Variants in HFM1 observed in about 807,000 individuals in gnomAD.
The protein encoded by HFM1 is probable ATP-dependent DNA helicase HFM1.
HFM1 carries 169 observed loss-of-function variants against 192.1 expected under a neutral mutation model. The ratio of observed to expected loss-of-function variants is 0.88; its 90% CI spans 0.78 to 1.00. The LOEUF (loss-of-function observed/expected upper bound fraction) is 1.00, where lower values mean the gene tolerates loss of function less well. Ranked by LOEUF, HFM1 falls within the 50% of genes least tolerant of loss-of-function variation. The pLI, the probability that HFM1 is intolerant of heterozygous loss-of-function variation, is 0.00. For synonymous variants in HFM1, 525 were observed against 537.8 expected (o/e 0.98, Z 0.33); for missense variants, 1,661 against 1,668.0 (o/e 1.00, Z 0.07).
chr1:91,367,471 G>A (rs534052642), intron 13 of HFM1, among the ~76,000 whole-genome samples: 6 of 152,280 alleles, frequency 3.9e-5, no homozygotes, highest in Admixed American at 1.3e-4. Context: ...TGCAGCCACC[G>A]CTGCTGATAC....
intron 13 of HFM1, among the ~76,000 whole-genome samples, chr1:91,372,180 C>T (rs896496752): frequency 3.3e-5 from 5 of 152,170 alleles, no homozygotes; most frequent in Non-Finnish European, 1.5e-5. Context: ...GTCATTGTGG[C>T]GATTCCTCGG....
chr1:91,333,031 G>A (rs914528627), intron 20 of HFM1, among the ~76,000 whole-genome samples: 7 of 152,176 alleles, frequency 4.6e-5, no homozygotes, highest in African/African-American at 1.7e-4. Flanking sequence ...CCACTATGGA[G>A]AATAGTTTGG....
At chr1:91,300,779 G>A (rs924029936) in intron 30 of HFM1, among the ~76,000 whole-genome samples, 4 of 152,192 alleles carry the variant, frequency 2.6e-5, no homozygotes, top group South Asian at 2.1e-4. Context: ...TTGATGGGAC[G>A]TATCTCAAAG....
intron 8 of HFM1, among the ~76,000 whole-genome samples, chr1:91,379,646 T>C (rs1661317806): frequency 7.0e-6 from 1 of 143,688 alleles, no homozygotes; most frequent in South Asian, 2.2e-4. Flanking sequence ...AAAATAGAAA[T>C]AGAAATGATT....
At chr1:91,338,850 T>C (rs1654951444) in intron 20 of HFM1, 1 of 447,076 alleles carries the variant, frequency 2.2e-6, no homozygotes, top group Non-Finnish European at 4.5e-6. Context: ...ACAGCCACTG[T>C]TGGCATTACA....
rs145692164 is a variant in HFM1 at position 91,316,121 on chromosome 1, A to G, written c.2962T>C (p.Tyr988His). 6.3e-7 allele frequency: 1 copy of G among 1,590,334 alleles called. No individual in the cohort carries two copies. Residue 988 changes from tyrosine to histidine, a missense_variant, in exon 27 of 39, where the codon TAT becomes CAT. Tyr to His is a moderately conservative substitution (Grantham distance 83). Transcript: ENST00000370425. ...TTTACCTGTTCCACTTTAAGTTCAT[A>G]TTTTGGTAGATACATCACAGTTTCT... ...IKETVMYLPK[Y>H]ELKVEQITRY...
chr1:91,292,998 A>G (rs920384268), intron 30 of HFM1, among the ~76,000 whole-genome samples: 4 of 152,214 alleles, frequency 2.6e-5, no homozygotes, highest in Non-Finnish European at 5.9e-5. Flanking sequence ...CTGGCTAGCC[A>G]TATGTAGAAA....
intron 20 of HFM1, among the ~76,000 whole-genome samples, chr1:91,334,644 G>C (rs1654312164): frequency 6.6e-6 from 1 of 152,010 alleles, no homozygotes; most frequent in South Asian, 2.1e-4. Context: ...GAGGTTACTG[G>C]ATTCGGCCGG....
At position 91,385,805 on chromosome 1, in the gene HFM1, C is replaced by T; in HGVS notation, c.524G>A (p.Gly175Glu). 2 of 1,605,942 alleles carry T rather than the reference C, an allele frequency of 1.2e-6. No individual in the cohort carries two copies. The highest frequency in any genetic ancestry group is 1.7e-6 in the Non-Finnish European group (2 of 1,174,060). Residue 175 changes from glycine to glutamate, a missense_variant, in exon 5 of 39, where the codon GGG (glycine) becomes GAG (glutamate). By Grantham distance (98) the Gly-to-Glu change is moderately conservative (BLOSUM62 -2). Coordinates refer to ENST00000370425, the MANE Select transcript of HFM1 (RefSeq NM_001017975.6). The stretch of plus-strand genomic sequence containing the variant: ...TTCATTGTCATTAGAATAAGCACTC[C>T]CATGTATATTGTCAGATATTTTAAA... ...RLFKISDNIH[G>E]SAYSNDNELD...
At chr1:91,353,851 C>T (rs1415326959) in intron 13 of HFM1, among the ~76,000 whole-genome samples, 1 of 150,548 alleles carries the variant, frequency 6.6e-6, no homozygotes, top group Admixed American at 6.6e-5. Flanking sequence ...AGGAAAGTGC[C>T]TCTCTATAAA....
chr1:91,321,486 A>T (rs1323057099), intron 23 of HFM1, among the ~76,000 whole-genome samples: 2 of 152,128 alleles, frequency 1.3e-5, no homozygotes, highest in African/African-American at 4.8e-5. Context: ...AAAGGGAAGA[A>T]ACCAGAAACT....
At chr1:91,343,533 T>G (rs1655687309) in intron 19 of HFM1, 23 bp from the exon 20 acceptor site, 2 of 990,002 alleles carry the variant, frequency 2.0e-6, no homozygotes, top group East Asian at 5.6e-5. Context: ...AGAAAACACA[T>G]TTTAATTTTA....
intron 13 of HFM1, among the ~76,000 whole-genome samples, chr1:91,357,912 T>C (rs967534558): frequency 2.6e-5 from 4 of 152,178 alleles, no homozygotes; most frequent in African/African-American, 9.6e-5. Flanking sequence ...ATCTGTACAC[T>C]GAAAGCTATC....
Position 91,315,822 on chromosome 1 carries a change from T to C in HFM1, c.3133A>G (p.Lys1045Glu). Residue 1045 changes from lysine (K) to glutamate (E), a missense_variant, in exon 28 of 39, where the codon AAG becomes GAG. By Grantham distance (56) the Lys-to-Glu change is moderately conservative (BLOSUM62 1). Coordinates refer to ENST00000370425, the MANE Select transcript of HFM1 (RefSeq NM_001017975.6). ...CAGAAATTTCACACTTACGTAATCT[T>C]GTGCAGATAAACTACTTGATTATCT... ...DADNQVVYLHKITDSVLLKAG... is the reference protein window; with the variant it reads ...DADNQVVYLHEITDSVLLKAG... 1 of 1,607,052 alleles carries C rather than the reference T, an allele frequency of 6.2e-7. No homozygotes were observed.
At chr1:91,279,836 C>G (rs1667297385) in intron 30 of HFM1, among the ~76,000 whole-genome samples, 2 of 151,924 alleles carry the variant, frequency 1.3e-5, no homozygotes, top group African/African-American at 4.8e-5. Flanking sequence ...CTCTGTGCCT[C>G]TTGCTTACTG....
intron 18 of HFM1, 95 bp downstream of exon 18, chr1:91,350,643 G>C: frequency 1.8e-6 from 2 of 1,139,638 alleles, no homozygotes; most frequent in Non-Finnish European, 2.5e-6. Context: ...TTACCTATTA[G>C]TTTCTGTAAT....
rs147693313 is a variant in HFM1 at position 91,314,038 on chromosome 1, C to T, written c.3163G>A (p.Gly1055Arg). The T allele has an allele frequency of 1.7e-5, 27 of 1,607,144 alleles. No individual in the cohort carries two copies. Among genetic ancestry groups the T allele is most frequent in the Admixed American group, 1.5e-4 (9 of 59,732 alleles). Residue 1055 changes from glycine to arginine, a missense_variant, in exon 29 of 39, where the codon GGA (glycine) becomes AGA (arginine). Physicochemically the swap from Gly to Arg is moderately radical, Grantham distance 125. Transcript: ENST00000370425. ...KITDSVLLKA[G>R]SWAKKIAVKR... The stretch of plus-strand genomic sequence containing the variant: ...ACAGCAATCTTTTTAGCCCAACTTC[C>T]AGCTTTTAGCAAAACAGAATCCCTG...
intron 13 of HFM1, among the ~76,000 whole-genome samples, chr1:91,361,546 T>C (rs1038725221): frequency 6.6e-6 from 1 of 152,092 alleles, no homozygotes; most frequent in Admixed American, 6.5e-5. Flanking sequence ...AGTTCTGGAA[T>C]TGAGACAGTA....
chr1:91,319,207 A>G lies in HFM1; in HGVS notation c.2683T>C (p.Leu895=). Residue 895 remains leucine (L), a splice_region_variant and synonymous_variant, in exon 25 of 39, where the codon TTG becomes CTG. Transcript: ENST00000370425. ...FRHGSRITRW[L]SDFVAAQEKK... is the part of the protein sequence containing the mutation. ...TCTTGAGCAGCTACAAAATCTGACA[A>G]CCCTAAAAAAAAAGTTTCCAGTATT... 1 of 1,604,552 alleles carries G rather than the reference A, an allele frequency of 6.2e-7. No homozygotes were observed. The highest frequency in any genetic ancestry group is 8.5e-7 in the Non-Finnish European group (1 of 1,177,340).
Sources: allele counts gnomAD v4.1 joint callset (sites outside exome capture counted in the v4.1 genomes callset), GRCh38; gene constraint gnomAD v4.1.1; transcripts MANE v1.5; gene names NCBI Gene and HGNC (gene_info 2026-07-23, HGNC 2026-07-21).